TMTC2: variants seen among roughly 807,000 people sequenced by gnomAD.
TMTC2 encodes transmembrane O-mannosyltransferase targeting cadherins 2.
TMTC2 carries 43 observed loss-of-function variants against 82.4 expected under a neutral mutation model. The observed-to-expected ratio is 0.52, with a 90% CI of 0.41 to 0.67. The LOEUF is 0.67. Ranked by LOEUF, TMTC2 falls within the 30% of genes least tolerant of loss-of-function variation. TMTC2 has a pLI of 0.00. For synonymous variants in TMTC2, 408 were observed against 381.9 expected (o/e 1.07, Z -0.80); for missense variants, 919 against 1,012.4 (o/e 0.91, Z 1.25).
At chr12:82,853,030 G>A (rs1315087826) in intron 1 of TMTC2, among the ~76,000 whole-genome samples, 1 of 151,796 alleles carries the variant, frequency 6.6e-6, no homozygotes, top group African/African-American at 2.4e-5. Context: ...ATACTCTTTT[G>A]CTCCTTCATT....
Position 83,126,678 on chromosome 12 carries a change from G to A in TMTC2, c.2332-5532G>A, listed in dbSNP as rs371584090. On this transcript the variant is annotated intron_variant, in intron 11 of 11. Transcript: ENST00000321196. ...ATTGGATGTGAGTATGTATATGGGT[G>A]GGGGGGCAAGGAATCCAAGATAATT... Among the ~76,000 whole-genome samples, 3 of 151,922 alleles carry A rather than the reference G, an allele frequency of 2.0e-5. No homozygotes were observed. In the East Asian group the frequency reaches 5.8e-4, roughly 29 times the overall value.
At chr12:82,806,442 G>T (rs903145230) in intron 1 of TMTC2, among the ~76,000 whole-genome samples, 2 of 152,062 alleles carry the variant, frequency 1.3e-5, no homozygotes, top group African/African-American at 4.8e-5. Flanking sequence ...CTTGGTATTT[G>T]GCATTTTTGT....
chr12:82,850,925 G>A (rs753782965), intron 1 of TMTC2, among the ~76,000 whole-genome samples: 4 of 151,932 alleles, frequency 2.6e-5, no homozygotes, highest in Admixed American at 6.6e-5. Context: ...TTAGCTGGGC[G>A]TGGTGGCGTG....
At chr12:82,857,682 TTTA>T in intron 2 of TMTC2, 102 bp downstream of exon 2, 2 of 1,127,802 alleles carry the variant, frequency 1.8e-6, no homozygotes, top group Non-Finnish European at 2.5e-6. Context: ...GCAAGCGGAA[TTTA>T]AAATAAGTTC....
intron 7 of TMTC2, among the ~76,000 whole-genome samples, chr12:82,977,386 A>G (rs2137322710): frequency 6.6e-6 from 1 of 152,010 alleles, no homozygotes; most frequent in Admixed American, 6.6e-5. Flanking sequence ...TGTACCCATG[A>G]GAAAAGAAAA....
At chr12:83,086,481 G>A (rs1240152165) in intron 11 of TMTC2, among the ~76,000 whole-genome samples, 1 of 152,180 alleles carries the variant, frequency 6.6e-6, no homozygotes, top group Non-Finnish European at 1.5e-5. Flanking sequence ...CCCAGTTCCA[G>A]ACAAACTGCT....
intron 7 of TMTC2, among the ~76,000 whole-genome samples, chr12:82,978,852 T>C (rs1356007345): frequency 6.6e-6 from 1 of 151,850 alleles, no homozygotes; most frequent in Non-Finnish European, 1.5e-5. Context: ...GGTTTATATA[T>C]CTGGGTTCTC....
At chr12:82,902,933 T>C (rs1277014811) in intron 3 of TMTC2, among the ~76,000 whole-genome samples, 2 of 152,186 alleles carry the variant, frequency 1.3e-5, no homozygotes, top group Non-Finnish European at 2.9e-5. Context: ...GCTAGCTAGA[T>C]AGATTATAGA....
intron 8 of TMTC2, among the ~76,000 whole-genome samples, chr12:82,986,991 A>G (rs1879178774): frequency 6.6e-6 from 1 of 152,194 alleles, no homozygotes; most frequent in Non-Finnish European, 1.5e-5. Context: ...AAATAAATGA[A>G]TATTAGAAAA....
intron 8 of TMTC2, among the ~76,000 whole-genome samples, chr12:83,019,623 T>C (rs1360886558): frequency 6.6e-6 from 1 of 152,158 alleles, no homozygotes; most frequent in Non-Finnish European, 1.5e-5. Context: ...CTTCCATTAT[T>C]TACTATCTTC....
In TMTC2 at chr12:83,132,685, A is replaced by G. The variant is rs533805226; in HGVS notation, c.*296A>G. On this transcript the variant is annotated 3_prime_UTR_variant, in exon 12 of 12. Transcript: ENST00000321196. ...TTAAAAAGGGAGGGGTGGGTGTGTA[A>G]GTCACAGATTTTGTTCATTTTCTGA... 12 of 316,278 alleles carry G rather than the reference A, an allele frequency of 3.8e-5. No individual in the cohort carries two copies. The East Asian group carries it at 9.2e-4, about 24-fold the overall frequency. The allele number at this position is 316,278 out of a possible 1,614,324, so 19.6% of individuals were successfully genotyped here. A position where few individuals can be genotyped will look rare whatever the true frequency, so the allele number is the denominator to read the frequency against.
chr12:82,811,813 T>C (rs1480889005), intron 1 of TMTC2, among the ~76,000 whole-genome samples: 1 of 119,482 alleles, frequency 8.4e-6, no homozygotes, highest in Non-Finnish European at 1.8e-5. Flanking sequence ...CCTTCTTTTT[T>C]TTTTTTTTTT....
chr12:83,067,069 A>G (rs1011176276), intron 11 of TMTC2, among the ~76,000 whole-genome samples: 5 of 151,984 alleles, frequency 3.3e-5, no homozygotes, highest in Admixed American at 2.6e-4. Flanking sequence ...GCATTTGGGA[A>G]TTTCTACATT....
At chr12:83,097,987 C>T (rs1025302026) in intron 11 of TMTC2, among the ~76,000 whole-genome samples, 3 of 152,088 alleles carry the variant, frequency 2.0e-5, no homozygotes, top group African/African-American at 4.8e-5. Flanking sequence ...CAGAGGGAAG[C>T]CTCTTAGATA....
At chr12:82,792,505 C>T (rs1442660593) in intron 1 of TMTC2, among the ~76,000 whole-genome samples, 1 of 151,966 alleles carries the variant, frequency 6.6e-6, no homozygotes, top group African/African-American at 2.4e-5. Flanking sequence ...CTCGCTCTGT[C>T]GCCCAGGATG....
rs568398496 is a variant in TMTC2 at position 82,856,684 on chromosome 12, T to C, written c.84-326T>C. 5.9e-5 allele frequency among the ~76,000 whole-genome samples: 9 copies of C among 152,336 alleles called. No individual in the cohort carries two copies. In the South Asian group the frequency reaches 1.0e-3, roughly 18 times the overall value. ...GCCCAGCCTCGATCTGGAATATTCA[T>C]TTTTAGCCAGTATGTCACATGATTT... On this transcript the variant is annotated intron_variant, in intron 1 of 11. Coordinates refer to ENST00000321196, the MANE Select transcript of TMTC2 (RefSeq NM_152588.3).
chr12:82,805,807 C>T (rs1005032159), intron 1 of TMTC2, among the ~76,000 whole-genome samples: 1 of 152,014 alleles, frequency 6.6e-6, no homozygotes, highest in African/African-American at 2.4e-5. Flanking sequence ...ACCCAGCTGG[C>T]TTTTCCACTT....
intron 11 of TMTC2, among the ~76,000 whole-genome samples, chr12:83,065,774 T>A (rs1882897701): frequency 6.6e-6 from 1 of 151,950 alleles, no homozygotes; most frequent in African/African-American, 2.4e-5. Context: ...TAAATGAAAC[T>A]GCTTTGTTCT....
chr12:82,747,880 A>G (rs112192979), intron 1 of TMTC2, among the ~76,000 whole-genome samples: 182 of 152,340 alleles, frequency 1.2e-3, no homozygotes, highest in African/African-American at 4.1e-3. Flanking sequence ...ATCCTGAATA[A>G]TATAATAAAC....
Sources: allele counts gnomAD v4.1 joint callset (sites outside exome capture counted in the v4.1 genomes callset), GRCh38; gene constraint gnomAD v4.1.1; transcripts MANE v1.5; gene names NCBI Gene and HGNC (gene_info 2026-07-23, HGNC 2026-07-21).